The following RBFOX1 variants were observed in gnomAD, a reference collection of about 807,000 sequenced individuals.
RBFOX1 encodes the protein RNA binding protein fox-1 homolog 1.
A neutral mutation model predicts 57.7 loss-of-function variants in RBFOX1; 8 were observed. That is an observed-to-expected ratio of 0.14 (90% CI 0.08 to 0.25). The LOEUF (loss-of-function observed/expected upper bound fraction) is 0.25, where lower values mean the gene tolerates loss of function less well. Ranked by LOEUF, RBFOX1 falls within the 10% of genes least tolerant of loss-of-function variation. The pLI, the probability that RBFOX1 is intolerant of heterozygous loss-of-function variation, is 1.00. For synonymous variants in RBFOX1, 326 were observed against 222.4 expected, an observed-to-expected ratio of 1.47 and a Z score of -4.15; for missense variants, 611 against 548.5, an observed-to-expected ratio of 1.11 and a Z score of -1.14.
intron 1 of RBFOX1, among the ~76,000 whole-genome samples, chr16:6,286,534 C>T (rs1346072193): frequency 5.9e-5 from 9 of 152,202 alleles, no homozygotes; most frequent in Admixed American, 5.2e-4. Context: ...ATATGTGCTA[C>T]CCTTAGAATA....
intron 4 of RBFOX1, among the ~76,000 whole-genome samples, chr16:7,489,136 C>G (rs549121136): frequency 1.3e-5 from 2 of 152,172 alleles, no homozygotes; most frequent in African/African-American, 4.8e-5. Flanking sequence ...CTCTCTGTTT[C>G]TCTGCCTCTG....
chr16:5,447,853 G>A (rs2068297822), intron 1 of RBFOX1, among the ~76,000 whole-genome samples: 1 of 152,192 alleles, frequency 6.6e-6, no homozygotes, highest in Non-Finnish European at 1.5e-5. Context: ...GGCCGAAAGT[G>A]GCCACCACCC....
At chr16:7,622,584 A>C (rs945512958) in intron 10 of RBFOX1, among the ~76,000 whole-genome samples, 17 of 151,834 alleles carry the variant, frequency 1.1e-4, no homozygotes, top group African/African-American at 4.1e-4. Flanking sequence ...GTTATGTCAA[A>C]ATAAAAAGCA....
At position 5,671,908 on chromosome 16, in the gene RBFOX1, C is replaced by T. The variant is rs141666681; in HGVS notation, c.318+72947C>T. 1.1e-4 allele frequency among the ~76,000 whole-genome samples: 17 copies of T among 152,262 alleles called. No individual in the cohort carries two copies. In the East Asian group the frequency reaches 3.3e-3, roughly 29 times the overall value. Reference sequence around the variant, plus strand: ...CCTTGCAGAATATTTAGATTTAAATCAGAGCCATAGCTTTTTCCAGGTAGA... The same window carrying T: ...CCTTGCAGAATATTTAGATTTAAATTAGAGCCATAGCTTTTTCCAGGTAGA... On this transcript the variant is annotated intron_variant, in intron 3 of 19. Transcript: ENST00000641259.
chr16:6,432,677 G>C (rs1211508075), intron 2 of RBFOX1, among the ~76,000 whole-genome samples: 1 of 151,704 alleles, frequency 6.6e-6, no homozygotes, highest in Non-Finnish European at 1.5e-5. Context: ...TTGAGACCCT[G>C]TCTCAAGAAA....
chr16:7,042,867 A>G (rs928203669), intron 3 of RBFOX1, among the ~76,000 whole-genome samples: 2 of 152,228 alleles, frequency 1.3e-5, no homozygotes, highest in Non-Finnish European at 2.9e-5. Context: ...TGGAGGTTTC[A>G]GTGAGCTGAG....
intron 1 of RBFOX1, among the ~76,000 whole-genome samples, chr16:6,288,225 A>G (rs367736727): frequency 9.9e-6 from 1 of 100,748 alleles, no homozygotes; most frequent in East Asian, 4.1e-4. Context: ...AATGCTTATC[A>G]GAATGGTGTG....
At chr16:7,205,528 A>AG (rs2089768975) in intron 4 of RBFOX1, among the ~76,000 whole-genome samples, 1 of 150,346 alleles carries the variant, frequency 6.7e-6, no homozygotes, top group African/African-American at 2.5e-5. Context: ...AAAAAAAAAA[A>AG]GAAAAAGAAA....
chr16:6,563,069 C>G lies in RBFOX1; in HGVS notation c.-63-91534C>G, dbSNP rs538239603. 1.1e-4 allele frequency among the ~76,000 whole-genome samples: 17 copies of G among 152,010 alleles called. No homozygotes were observed. In the South Asian group the frequency reaches 3.5e-3, roughly 32 times the overall value. Reference sequence around the variant, plus strand: ...CTCAGATGCTGCAGGGGCAGGGGGCCATGGAGTATACTCACTTCTTCCAAG... The same window carrying G: ...CTCAGATGCTGCAGGGGCAGGGGGCGATGGAGTATACTCACTTCTTCCAAG... On this transcript the variant is annotated intron_variant, in intron 2 of 15. Coordinates refer to ENST00000550418, the MANE Select transcript of RBFOX1 (RefSeq NM_018723.4).
chr16:6,675,509 T>C lies in RBFOX1; in HGVS notation c.-16+20859T>C, dbSNP rs144013630. Among the ~76,000 whole-genome samples the C allele has an allele frequency of 1.7e-3, 257 of 152,324 alleles. 1 individual carries two copies. Among genetic ancestry groups the C allele is most frequent in the African/African-American group, 6.0e-3 (249 of 41,584 alleles). ...GGCTTGGTCAGGCTTGCATCCTGTG[T>C]TCATTGCTGAACCAGGCCCTGCCAC... On this transcript the variant is annotated intron_variant, in intron 3 of 15. Coordinates refer to ENST00000550418, the MANE Select transcript of RBFOX1 (RefSeq NM_018723.4).
intron 4 of RBFOX1, among the ~76,000 whole-genome samples, chr16:7,052,389 C>T (rs1444185158): frequency 1.3e-5 from 2 of 152,160 alleles, no homozygotes; most frequent in African/African-American, 2.4e-5. Context: ...ATGTACAACA[C>T]GAGGTCTAAG....
At chr16:6,276,313 C>T (rs544388470) in intron 1 of RBFOX1, among the ~76,000 whole-genome samples, 2 of 152,170 alleles carry the variant, frequency 1.3e-5, no homozygotes, top group South Asian at 2.1e-4. Flanking sequence ...GGCACATGCT[C>T]ATAGAAATAT....
chr16:7,084,406 C>G (rs144216335), intron 4 of RBFOX1, among the ~76,000 whole-genome samples: 130 of 152,248 alleles, frequency 8.5e-4, no homozygotes, highest in African/African-American at 3.0e-3. Context: ...TTGCTATGTA[C>G]ACCTCGAAGA....
At chr16:6,213,677 A>G (rs1252326969) in intron 1 of RBFOX1, among the ~76,000 whole-genome samples, 1 of 152,242 alleles carries the variant, frequency 6.6e-6, no homozygotes, top group South Asian at 2.1e-4. Context: ...AAGAAGAAAT[A>G]CTGGATGGTT....
chr16:6,887,238 G>T (rs936716999), intron 3 of RBFOX1, among the ~76,000 whole-genome samples: 1 of 152,202 alleles, frequency 6.6e-6, no homozygotes, highest in African/African-American at 2.4e-5. Context: ...CTATAGAGTA[G>T]TGATTACCTG....
At position 6,865,005 on chromosome 16, in the gene RBFOX1, T is replaced by TC. The variant is rs1567620494; in HGVS notation, c.-15-187052_-15-187051insC. The stretch of plus-strand genomic sequence containing the variant: ...TGGGTTTTTCTTTTTCTTTTTTTTT[T>TC]TTTTTTTTTTTTTTGAGATCGAATT... On this transcript the variant is annotated intron_variant, in intron 3 of 15. Coordinates refer to ENST00000550418, the MANE Select transcript of RBFOX1 (RefSeq NM_018723.4). Among the ~76,000 whole-genome samples the TC allele has an allele frequency of 4.3e-5, 6 of 139,874 alleles. No individual in the cohort carries two copies. The East Asian group carries it at 8.1e-4, about 19-fold the overall frequency. 91.8% of individuals were successfully genotyped at this position (139,874 alleles called of 152,430 possible).
Position 5,713,916 on chromosome 16 carries a change from A to G in RBFOX1, c.318+114955A>G, listed in dbSNP as rs1043322556. ...CAGATCATCTACGTTGCAATCTTCC[A>G]GTGACCTCTTTCTGGGAGACGTGGG... is the stretch of plus-strand genomic sequence containing the variant. On this transcript the variant is annotated intron_variant, in intron 3 of 19. Transcript: ENST00000641259. 2.7e-4 allele frequency among the ~76,000 whole-genome samples: 41 copies of G among 152,208 alleles called. 1 individual carries two copies. Among genetic ancestry groups the G allele is most frequent in the Admixed American group, 1.4e-3 (22 of 15,280 alleles).
At chr16:5,903,859 G>A (rs1172872377) in intron 4 of RBFOX1, among the ~76,000 whole-genome samples, 1 of 152,150 alleles carries the variant, frequency 6.6e-6, no homozygotes, top group Non-Finnish European at 1.5e-5. Context: ...GCAGATGCGG[G>A]GGCCTTGGTT....
At chr16:6,194,625 G>C (rs1314820507) in intron 1 of RBFOX1, among the ~76,000 whole-genome samples, 3 of 152,112 alleles carry the variant, frequency 2.0e-5, no homozygotes, top group East Asian at 3.9e-4. Context: ...TCTCGATTCA[G>C]AGGCAGCCTT....
Sources: gnomAD v4.1 joint callset for allele counts (sites outside exome capture counted in the v4.1 genomes callset) on GRCh38, gnomAD v4.1.1 for gene constraint, MANE v1.5 for transcripts, NCBI Gene and HGNC (gene_info 2026-07-23, HGNC 2026-07-21) for gene names.